The following TEFM variants were observed in gnomAD, a reference collection of about 807,000 sequenced individuals.
TEFM encodes the protein transcription elongation factor of mitochondria.
A neutral mutation model predicts 23.0 loss-of-function variants in TEFM; 14 were observed. The ratio of observed to expected loss-of-function variants is 0.61; its 90% confidence interval spans 0.40 to 0.95. The LOEUF (loss-of-function observed/expected upper bound fraction) is 0.95. Among genes scored for constraint, TEFM ranks in the 40% least tolerant of loss-of-function variants. The pLI, the probability that TEFM is intolerant of heterozygous loss-of-function variation, is 0.00. For missense variants in TEFM, 386 were observed against 425.5 expected (o/e 0.91, Z 0.82); for synonymous variants, 155 against 158.3 (o/e 0.98, Z 0.16).
Position 30,900,403 on chromosome 17 carries a change from A to C in TEFM, c.645+10T>G, listed in dbSNP as rs566422094. Reference sequence around the variant, plus strand: ...TAGCAGGTAGGAATCTGGAGGTGCAACTGCCTTACCTCTTCTAAATAGACT... The same window carrying C: ...TAGCAGGTAGGAATCTGGAGGTGCACCTGCCTTACCTCTTCTAAATAGACT... On this transcript the variant is annotated intron_variant, in intron 3 of 3. Transcript: ENST00000581216. 8.1e-6 allele frequency: 13 copies of C among 1,613,240 alleles called. No individual in the cohort carries two copies. In the East Asian group the frequency reaches 2.9e-4, roughly 36 times the overall value.
In TEFM at chr17:30,898,997, GTT is replaced by G; in HGVS notation, c.*170_*171del. On this transcript the variant is annotated 3_prime_UTR_variant, in exon 4 of 4. Transcript: ENST00000581216. ...TGAGAGGCACAGAATCTCATAAAAT[GTT>G]TATTGATTTGGTCTTGGCTTATTGT... The G allele has an allele frequency of 1.6e-6, 1 of 608,070 alleles. No homozygotes were observed. The highest frequency in any genetic ancestry group is 4.7e-4 in the Middle Eastern group (1 of 2,150). 37.7% of individuals were successfully genotyped at this position (608,070 alleles called of 1,614,324 possible).
chr17:30,903,283 C>G (rs1910087608), intron 2 of TEFM, among the ~76,000 whole-genome samples: 2 of 138,698 alleles, frequency 1.4e-5, no homozygotes, highest in East Asian at 4.5e-4. Context: ...CTGGAGTGCA[C>G]TGGCGTGATG....
chr17:30,904,991 TAA>T (rs1467262985), intron 1 of TEFM, among the ~76,000 whole-genome samples: 2 of 152,146 alleles, frequency 1.3e-5, no homozygotes, highest in East Asian at 3.9e-4. Flanking sequence ...GAATCATCTT[TAA>T]AAGAGGATTA....
intron 2 of TEFM, among the ~76,000 whole-genome samples, chr17:30,902,361 A>G (rs1425706364): frequency 6.6e-6 from 1 of 152,172 alleles, no homozygotes. Context: ...CTCAAGCTTT[A>G]CTGTGCACAA....
At chr17:30,899,814 A>G in intron 3 of TEFM, 2 of 391,230 alleles carry the variant, frequency 5.1e-6, no homozygotes, top group East Asian at 4.0e-5. Flanking sequence ...TAAGCTGTTT[A>G]GTCCTCCTAA....
chr17:30,904,390 G>C lies in TEFM; in HGVS notation c.171C>G (p.Pro57=), dbSNP rs777997436. Residue 57 remains proline (P), a synonymous_variant, in exon 2 of 4, where the codon CCC becomes CCG. Coordinates refer to ENST00000581216, the MANE Select transcript of TEFM (RefSeq NM_024683.4). ...AGAAGAGCTTGTCAAGTGCATTTTCGGGCTCCTTTGCATTTTCATCACAAA... is the reference window on the plus strand; with the variant it reads ...AGAAGAGCTTGTCAAGTGCATTTTCCGGCTCCTTTGCATTTTCATCACAAA... The part of the protein sequence containing the change: ...VTFCDENAKE[P]ENALDKLFSS... 8.1e-6 allele frequency: 13 copies of C among 1,614,068 alleles called. No homozygotes were observed. The South Asian group carries it at 1.4e-4, about 18-fold the overall frequency.
chr17:30,900,883 G>A (rs1187511869), intron 2 of TEFM, among the ~76,000 whole-genome samples: 1 of 152,012 alleles, frequency 6.6e-6, no homozygotes. Flanking sequence ...TAGGATTACA[G>A]GCATGAGCCA....
chr17:30,904,930 A>G (rs1381143536), intron 1 of TEFM, among the ~76,000 whole-genome samples: 1 of 151,968 alleles, frequency 6.6e-6, no homozygotes, highest in Admixed American at 6.6e-5. Context: ...CGCCCACCTC[A>G]GCCTCCCAAA....
In TEFM at chr17:30,899,287, A is replaced by AT. The variant is rs1032514888; in HGVS notation, c.964dup (p.Ile322AsnfsTer12). ...TAAAAACATCTGTCTGTAGTGAACT[A>AT]TTTTATCTGATGGGAAGAACACCCG... is the stretch of plus-strand genomic sequence containing the variant. On this transcript the variant is annotated frameshift_variant, in exon 4 of 4. Transcript: ENST00000581216. LOFTEE classifies it low-confidence loss of function (END_TRUNC). 1 of 1,614,108 alleles carries AT rather than the reference A, an allele frequency of 6.2e-7. No homozygotes were observed. Among genetic ancestry groups the AT allele is most frequent in the African/African-American group, 1.3e-5 (1 of 74,942 alleles).
intron 1 of TEFM, among the ~76,000 whole-genome samples, chr17:30,905,520 C>CAAAAA (rs35702969): frequency 6.9e-5 from 6 of 86,642 alleles, no homozygotes; most frequent in Non-Finnish European, 9.8e-5. Context: ...AACTCCGTCT[C>CAAAAA]AAAAAAAAAA....
chr17:30,900,776 AT>A (rs11452879), intron 2 of TEFM, among the ~76,000 whole-genome samples: 72 of 143,810 alleles, frequency 5.0e-4, no homozygotes, highest in Admixed American at 9.1e-4. Flanking sequence ...TAATTTTTTT[AT>A]TTTTTTTTTT....
At position 30,906,192 on chromosome 17, in the gene TEFM, C is replaced by T. The variant is rs369945555; in HGVS notation, c.7G>A (p.Gly3Arg). The part of the protein sequence containing the change: MS[G>R]SVLFTAGERW... ...CCTCCCGCCGTGAAGAGGACAGACC[C>T]GCTCATCTCCAAGTTGAATCAGTAG... The change falls in exon 1 of 4, where the codon GGG becomes AGG. Residue 3 changes from glycine to arginine, a missense_variant. By Grantham distance (125) the Gly-to-Arg change is moderately radical. Transcript: ENST00000581216. 4.3e-6 allele frequency: 7 copies of T among 1,614,144 alleles called. No individual in the cohort carries two copies. In the African/African-American group the frequency reaches 5.3e-5, roughly 12 times the overall value.
rs776408061 is a variant in TEFM at position 30,900,552 on chromosome 17, C to T, written c.506G>A (p.Ser169Asn). 5 of 1,611,492 alleles carry T rather than the reference C, an allele frequency of 3.1e-6. No individual in the cohort carries two copies. Among genetic ancestry groups the T allele is most frequent in the Non-Finnish European group, 4.2e-6 (5 of 1,179,134 alleles). Residue 169 changes from serine (S) to asparagine (N), a missense_variant, in exon 3 of 4, where the codon AGT (serine) becomes AAT (asparagine). Physicochemically the swap from Ser to Asn is conservative, Grantham distance 46. Coordinates refer to ENST00000581216, the MANE Select transcript of TEFM (RefSeq NM_024683.4). ...IERERLKAVN[S>N]IISIVFGTRR... is the part of the protein sequence containing the mutation. ...AGTACCAAAAACGATAGATATGATACTATTAACTGCCTAAAAGAAAAGACT... is the reference window on the plus strand; with the variant it reads ...AGTACCAAAAACGATAGATATGATATTATTAACTGCCTAAAAGAAAAGACT...
Position 30,904,393 on chromosome 17 carries a change from C to T in TEFM, c.168G>A (p.Glu56=). ...NVTFCDENAK[E]PENALDKLFS... ...AGAGCTTGTCAAGTGCATTTTCGGG[C>T]TCCTTTGCATTTTCATCACAAAAAG... Residue 56 remains glutamate (E), a synonymous_variant, in exon 2 of 4, where the codon GAG becomes GAA. Coordinates refer to ENST00000581216, the MANE Select transcript of TEFM (RefSeq NM_024683.4). 1 of 1,614,164 alleles carries T rather than the reference C, an allele frequency of 6.2e-7. No individual in the cohort carries two copies. The highest frequency in any genetic ancestry group is 1.1e-5 in the South Asian group (1 of 91,082).
rs770503215 is a variant in TEFM at position 30,899,251 on chromosome 17, A to G, written c.1001T>C (p.Leu334Pro). 19 of 1,613,988 alleles carry G rather than the reference A, an allele frequency of 1.2e-5. No homozygotes were observed. The highest frequency in any genetic ancestry group is 1.7e-5 in the Admixed American group (1 of 59,996). Residue 334 changes from leucine (L) to proline (P), a missense_variant, in exon 4 of 4, where the codon CTA (leucine) becomes CCA (proline). Coordinates refer to ENST00000581216, the MANE Select transcript of TEFM (RefSeq NM_024683.4). ...HYRQMFLSTE[L>P]QRVEELYDSL... ...ATCATAAAGCTCTTCTACTCTTTGT[A>G]GTTCAGTAGATAAAAACATCTGTCT...
intron 2 of TEFM, among the ~76,000 whole-genome samples, chr17:30,902,665 G>A (rs1464083875): frequency 6.6e-6 from 1 of 152,124 alleles, no homozygotes; most frequent in Non-Finnish European, 1.5e-5. Context: ...AGTATTCTGT[G>A]TATATGTGCT....
chr17:30,900,211 G>T, intron 3 of TEFM: 1 of 469,494 alleles, frequency 2.1e-6, no homozygotes, highest in Non-Finnish European at 3.8e-6. Context: ...ATCTGCCTTC[G>T]ATGCATAAGG....
intron 3 of TEFM, 21 bp downstream of exon 3, chr17:30,900,392 C>G: frequency 1.2e-6 from 2 of 1,612,046 alleles, no homozygotes; most frequent in Non-Finnish European, 1.7e-6. Flanking sequence ...AGGTAGGAAT[C>G]TGGAGGTGCA....
Position 30,904,517 on chromosome 17 carries a change from C to G in TEFM, c.44G>C (p.Cys15Ser). ...VLFTAGERWR[C>S]FLTPSRSSLY... ...GGATGACCTCGACGGGGTCAGAAAG[C>G]ATCTCCACCTCTCTAAAAGGAAAAT... is the stretch of plus-strand genomic sequence containing the variant. The change falls in exon 2 of 4, where the codon TGC becomes TCC. Residue 15 changes from cysteine to serine, a missense_variant. By Grantham distance (112) the Cys-to-Ser change is moderately radical. Transcript: ENST00000581216. The G allele has an allele frequency of 6.3e-7, 1 of 1,597,718 alleles. No homozygotes were observed.
Sources: allele counts gnomAD v4.1 joint callset (sites outside exome capture counted in the v4.1 genomes callset), GRCh38; gene constraint gnomAD v4.1.1; transcripts MANE v1.5; gene names NCBI Gene and HGNC (gene_info 2026-07-23, HGNC 2026-07-21).